The following TIPIN variants were observed in gnomAD, a reference collection of about 807,000 sequenced individuals.
The protein encoded by TIPIN is TIMELESS interacting protein.
A neutral mutation model predicts 35.6 loss-of-function variants in TIPIN; 29 were observed. The observed-to-expected ratio is 0.82, with a 90% CI of 0.61 to 1.11. TIPIN has a LOEUF of 1.11. Ranked by LOEUF, TIPIN falls within the 50% of genes most tolerant of loss-of-function variation. The pLI is 0.00. For missense variants in TIPIN, 296 were observed against 345.4 expected (o/e 0.86, Z 1.13); for synonymous variants, 102 against 121.5 (o/e 0.84, Z 1.06).
At chr15:66,340,214 G>A (rs1443774665) in intron 7 of TIPIN, among the ~76,000 whole-genome samples, 24 of 81,006 alleles carry the variant, frequency 3.0e-4, no homozygotes, top group African/African-American at 1.2e-3. Context: ...TTTTGCTCTT[G>A]TTGCCCAGGC....
chr15:66,356,422 A>G (rs1595804111), intron 1 of TIPIN, among the ~76,000 whole-genome samples: 2 of 152,258 alleles, frequency 1.3e-5, no homozygotes, highest in African/African-American at 4.8e-5. Context: ...TGGCAGAGTA[A>G]GAGGCATCCC....
chr15:66,376,640 G>A (rs1387927328), intron 1 of TIPIN, among the ~76,000 whole-genome samples: 1 of 151,444 alleles, frequency 6.6e-6, no homozygotes, highest in African/African-American at 2.4e-5. Flanking sequence ...ATGTTGGCCA[G>A]GCTGTCTTGA....
At position 66,382,100 on chromosome 15, in the gene TIPIN, A is replaced by G. The variant is rs192364220; in HGVS notation, c.-9+4507T>C. On this transcript the variant is annotated intron_variant, in intron 1 of 7. Coordinates refer to the TIPIN transcript ENST00000562124. Reference sequence around the variant, plus strand: ...TATTCTTCTAGCAGATTATGTTTACATGATGAAAACCTATCACCATCACCA... The same window carrying G: ...TATTCTTCTAGCAGATTATGTTTACGTGATGAAAACCTATCACCATCACCA... 2.6e-5 allele frequency among the ~76,000 whole-genome samples: 4 copies of G among 152,286 alleles called. No individual in the cohort carries two copies. In the East Asian group the frequency reaches 5.8e-4, roughly 22 times the overall value.
rs946270314 is a variant in TIPIN at position 66,356,671 on chromosome 15, C to A, written c.-41G>T. ...AGAAAACACGGGACACAGCGCGGAC[C>A]TCGGCGTGCAGACTAAGCGCGCTTC... On this transcript the variant is annotated 5_prime_UTR_variant, in exon 1 of 8. In the 5' UTR this introduces an upstream ATG that the reference lacks. Transcript: ENST00000261881. 8.1e-6 allele frequency: 8 copies of A among 985,578 alleles called. No individual in the cohort carries two copies. The highest frequency in any genetic ancestry group is 5.2e-4 in the Middle Eastern group (1 of 1,938). 61.1% of individuals were successfully genotyped at this position (985,578 alleles called of 1,614,324 possible).
intron 1 of TIPIN, among the ~76,000 whole-genome samples, chr15:66,372,546 GCCACA>G (rs1203616791): frequency 2.0e-5 from 3 of 152,148 alleles, no homozygotes; most frequent in African/African-American, 7.2e-5. Context: ...AACATATATA[GCCACA>G]CATCACATAA....
intron 7 of TIPIN, among the ~76,000 whole-genome samples, chr15:66,337,790 AAT>A (rs1360436822): frequency 2.0e-5 from 3 of 151,346 alleles, no homozygotes; most frequent in Non-Finnish European, 4.4e-5. Flanking sequence ...TAAAAAAAAA[AAT>A]AATTAGCTGG....
chr15:66,382,331 A>AT, intron 1 of TIPIN: 2 of 984,882 alleles, frequency 2.0e-6, no homozygotes, highest in South Asian at 4.7e-5. Flanking sequence ...GTTTTGTTTG[A>AT]TTTTGAACCT....
intron 1 of TIPIN, among the ~76,000 whole-genome samples, chr15:66,353,655 G>A (rs1257269831): frequency 2.0e-5 from 3 of 150,530 alleles, no homozygotes; most frequent in Non-Finnish European, 4.4e-5. Context: ...CACCTACTAC[G>A]TGCCCACAAA....
At chr15:66,339,248 C>T (rs1261345032) in intron 7 of TIPIN, among the ~76,000 whole-genome samples, 1 of 147,898 alleles carries the variant, frequency 6.8e-6, no homozygotes, top group Non-Finnish European at 1.5e-5. Context: ...GGTGAAACTT[C>T]GTTTACAACA....
chr15:66,351,495 CA>C, intron 4 of TIPIN, 29 bp downstream of exon 4: 2 of 1,543,732 alleles, frequency 1.3e-6, no homozygotes, highest in Non-Finnish European at 1.8e-6. Flanking sequence ...TTTTAAAAAA[CA>C]AAGGTCTAAC....
chr15:66,365,569 C>CG (rs1167844702), intron 1 of TIPIN, among the ~76,000 whole-genome samples: 2 of 152,088 alleles, frequency 1.3e-5, no homozygotes, highest in Non-Finnish European at 2.9e-5. Context: ...TCTGTTGAGA[C>CG]GGAGTTTAGC....
intron 1 of TIPIN, among the ~76,000 whole-genome samples, chr15:66,377,107 C>CA (rs36061431): frequency 0.73 from 76,514 of 105,390 alleles, 28,258 homozygotes; most frequent in Non-Finnish European, 0.78. Flanking sequence ...GACTCCCTCT[C>CA]AAAAAAAAAA....
chr15:66,359,359 T>A (rs879563620), upstream of TIPIN, among the ~76,000 whole-genome samples: 37 of 152,132 alleles, frequency 2.4e-4, no homozygotes, highest in Admixed American at 1.3e-4. Context: ...GTTTTTTTTG[T>A]TTTTGAGACA....
chr15:66,340,760 CTAATTTTTG>C (rs1212652762), intron 7 of TIPIN, among the ~76,000 whole-genome samples: 1 of 151,054 alleles, frequency 6.6e-6, no homozygotes, highest in African/African-American at 2.4e-5. Context: ...CCACACCTGG[CTAATTTTTG>C]TAATTTTAGT....
At chr15:66,343,379 T>A (rs1254535561) in intron 6 of TIPIN, among the ~76,000 whole-genome samples, 1 of 152,194 alleles carries the variant, frequency 6.6e-6, no homozygotes, top group Non-Finnish European at 1.5e-5. Flanking sequence ...TTATATACAT[T>A]ATCCTTGTTC....
chr15:66,358,493 G>A (rs1164969579), upstream of TIPIN, among the ~76,000 whole-genome samples: 1 of 151,304 alleles, frequency 6.6e-6, no homozygotes, highest in Admixed American at 6.6e-5. Flanking sequence ...GAATGCAGTG[G>A]TGCGATCACA....
At chr15:66,343,461 C>T (rs2093102375) in intron 6 of TIPIN, among the ~76,000 whole-genome samples, 1 of 152,020 alleles carries the variant, frequency 6.6e-6, no homozygotes, top group South Asian at 2.1e-4. Flanking sequence ...ACATTTAAAA[C>T]ATAAAGACAG....
At chr15:66,337,384 C>T (rs1239217742) in intron 7 of TIPIN, among the ~76,000 whole-genome samples, 2 of 148,146 alleles carry the variant, frequency 1.4e-5, no homozygotes, top group Non-Finnish European at 3.0e-5. Flanking sequence ...GGAGTGCAAT[C>T]GCACGATCTG....
intron 1 of TIPIN, chr15:66,379,993 TCTTTC>T (rs1336879170): frequency 2.1e-6 from 1 of 473,004 alleles, no homozygotes; most frequent in Non-Finnish European, 3.6e-6. Flanking sequence ...TTCTTTTCTT[TCTTTC>T]TTTCTTTTTT....
Sources: gnomAD v4.1 joint callset for allele counts (sites outside exome capture counted in the v4.1 genomes callset) on GRCh38, gnomAD v4.1.1 for gene constraint, MANE v1.5 for transcripts, NCBI Gene and HGNC (gene_info 2026-07-23, HGNC 2026-07-21) for gene names.